STIMATE: variants seen among roughly 807,000 people sequenced by gnomAD.
The protein encoded by STIMATE is store-operated calcium entry regulator STIMATE.
Under a neutral mutation model 36.7 loss-of-function variants are expected in STIMATE, and 15 were observed. The ratio of observed to expected loss-of-function variants is 0.41; its 90% CI spans 0.27 to 0.63. The LOEUF is 0.63. Ranked by LOEUF, STIMATE falls within the 20% of genes least tolerant of loss-of-function variation. The pLI is 0.32. For missense variants in STIMATE, 305 were observed against 397.3 expected (o/e 0.77, Z 1.98); for synonymous variants, 163 against 162.3 (o/e 1.00, Z -0.03).
intron 1 of STIMATE, among the ~76,000 whole-genome samples, chr3:52,869,028 C>T (rs1305276500): frequency 6.6e-6 from 1 of 152,142 alleles, no homozygotes; most frequent in Non-Finnish European, 1.5e-5. Flanking sequence ...CAAAATGGCA[C>T]CACCAAGAGT....
chr3:52,887,127 G>C (rs1358079843), intron 1 of STIMATE, among the ~76,000 whole-genome samples: 1 of 152,204 alleles, frequency 6.6e-6, no homozygotes, highest in Non-Finnish European at 1.5e-5. Flanking sequence ...ATGTGAACAT[G>C]GACTGTGGAT....
intron 1 of STIMATE, among the ~76,000 whole-genome samples, chr3:52,869,898 G>C (rs1701374452): frequency 6.6e-6 from 1 of 152,178 alleles, no homozygotes; most frequent in African/African-American, 2.4e-5. Flanking sequence ...TCTATAAGAT[G>C]GAAGAAATTA....
chr3:52,892,184 C>G (rs1701793597), intron 1 of STIMATE, among the ~76,000 whole-genome samples: 1 of 152,128 alleles, frequency 6.6e-6, no homozygotes, highest in African/African-American at 2.4e-5. Context: ...TGAGAGGCCC[C>G]AACAGGGCAA....
intron 1 of STIMATE, 101 bp downstream of exon 1, chr3:52,897,190 G>C (rs897197253): frequency 5.6e-6 from 8 of 1,428,988 alleles, no homozygotes; most frequent in African/African-American, 1.5e-5. Flanking sequence ...GAGCAATTCG[G>C]GTCCCAAGGC....
chr3:52,856,509 C>T (rs188075449), intron 1 of STIMATE, among the ~76,000 whole-genome samples: 1 of 150,856 alleles, frequency 6.6e-6, no homozygotes, highest in Admixed American at 6.6e-5. Context: ...AGTGAGACCA[C>T]GTCTCTACAA....
chr3:52,856,492 G>T (rs976682823), intron 1 of STIMATE, among the ~76,000 whole-genome samples: 1 of 73,856 alleles, frequency 1.4e-5, no homozygotes, highest in Non-Finnish European at 3.6e-5. Context: ...ACCAGCCTGG[G>T]TAACAGAGTG....
chr3:52,851,602 G>A (rs535051026), intron 3 of STIMATE, among the ~76,000 whole-genome samples: 1 of 152,332 alleles, frequency 6.6e-6, no homozygotes, highest in African/African-American at 2.4e-5. Context: ...GAGATGGCAG[G>A]AGCAGCAACT....
At chr3:52,860,162 A>G (rs1701193984) in intron 1 of STIMATE, among the ~76,000 whole-genome samples, 1 of 150,082 alleles carries the variant, frequency 6.7e-6, no homozygotes, top group African/African-American at 2.5e-5. Flanking sequence ...TTCATCTACC[A>G]TCATATGTTA....
At chr3:52,851,370 G>C (rs1700994345) in intron 3 of STIMATE, among the ~76,000 whole-genome samples, 1 of 152,206 alleles carries the variant, frequency 6.6e-6, no homozygotes, top group South Asian at 2.1e-4. Flanking sequence ...ACACACTCCA[G>C]GTGTGGTGAG....
chr3:52,895,202 G>A (rs764603410), intron 1 of STIMATE, among the ~76,000 whole-genome samples: 13 of 152,184 alleles, frequency 8.5e-5, no homozygotes, highest in African/African-American at 2.9e-4. Flanking sequence ...GAAAAGCCTC[G>A]CAGTTCTATT....
At chr3:52,846,093 C>A (rs1477524740) in intron 4 of STIMATE, among the ~76,000 whole-genome samples, 1 of 152,216 alleles carries the variant, frequency 6.6e-6, no homozygotes, top group African/African-American at 2.4e-5. Context: ...CCTGCCCAAG[C>A]CTGTCAGCTG....
At chr3:52,857,205 G>A (rs1464125733) in intron 1 of STIMATE, among the ~76,000 whole-genome samples, 1 of 152,212 alleles carries the variant, frequency 6.6e-6, no homozygotes, top group East Asian at 1.9e-4. Flanking sequence ...GCAGTTACAA[G>A]TCTGTTTAGA....
At chr3:52,844,343 T>C (rs1700857602) in intron 5 of STIMATE, among the ~76,000 whole-genome samples, 1 of 152,128 alleles carries the variant, frequency 6.6e-6, no homozygotes, top group African/African-American at 2.4e-5. Context: ...CATTCGGGGA[T>C]GAGGAGTGGG....
intron 1 of STIMATE, among the ~76,000 whole-genome samples, chr3:52,869,743 G>C (rs1397547972): frequency 6.6e-6 from 1 of 152,182 alleles, no homozygotes; most frequent in Non-Finnish European, 1.5e-5. Flanking sequence ...TGAACAAACA[G>C]AGCAGAACAT....
intron 1 of STIMATE, among the ~76,000 whole-genome samples, chr3:52,894,909 T>C (rs1159610313): frequency 6.6e-6 from 1 of 152,216 alleles, no homozygotes; most frequent in African/African-American, 2.4e-5. Flanking sequence ...GACTGGTTGG[T>C]ATTTAAAATG....
At chr3:52,897,252 G>T in intron 1 of STIMATE, 39 bp downstream of exon 1, 2 of 1,527,462 alleles carry the variant, frequency 1.3e-6, no homozygotes, top group South Asian at 2.4e-5. Flanking sequence ...CGCGGCTGCC[G>T]CGCAGGGCCT....
intron 1 of STIMATE, among the ~76,000 whole-genome samples, chr3:52,884,252 T>G (rs1316781503): frequency 1.3e-5 from 2 of 151,590 alleles, no homozygotes; most frequent in Non-Finnish European, 2.9e-5. Flanking sequence ...AAAAGTTTTT[T>G]TTTTTTTTTT....
At chr3:52,851,827 TGACA>T (rs66691136) in intron 3 of STIMATE, among the ~76,000 whole-genome samples, 135,316 of 152,044 alleles carry the variant, frequency 0.89, 62,113 homozygotes, top group Non-Finnish European at 1. Flanking sequence ...CAGATGATTC[TGACA>T]GACAGCAAAG....
intron 7 of STIMATE, among the ~76,000 whole-genome samples, chr3:52,842,246 G>T (rs1700810961): frequency 6.6e-6 from 1 of 152,160 alleles, no homozygotes; most frequent in African/African-American, 2.4e-5. Flanking sequence ...GTGCTGCGGG[G>T]CCGCCAGAAC....
Sources: gnomAD v4.1 joint callset for allele counts (sites outside exome capture counted in the v4.1 genomes callset) on GRCh38, gnomAD v4.1.1 for gene constraint, MANE v1.5 for transcripts, NCBI Gene and HGNC (gene_info 2026-07-23, HGNC 2026-07-21) for gene names.